FBP2: variants seen among roughly 807,000 people sequenced by gnomAD.
FBP2 encodes fructose-bisphosphatase 2.
FBP2 carries 27 observed loss-of-function variants against 31.6 expected under a neutral mutation model. The ratio of observed to expected loss-of-function variants is 0.85; its 90% CI spans 0.63 to 1.18. FBP2 has a LOEUF of 1.18. Ranked by LOEUF, FBP2 falls within the 50% of genes most tolerant of loss-of-function variation. The pLI is 0.00. For missense variants in FBP2, 421 were observed against 436.1 expected, an observed-to-expected ratio of 0.97 and a Z score of 0.31; for synonymous variants, 168 against 179.8, an observed-to-expected ratio of 0.93 and a Z score of 0.53.
At chr9:94,590,893 G>C (rs1022668436) in intron 1 of FBP2, among the ~76,000 whole-genome samples, 1 of 152,114 alleles carries the variant, frequency 6.6e-6, no homozygotes, top group Non-Finnish European at 1.5e-5. Flanking sequence ...CATCAGATTA[G>C]TTAGATACAG....
At chr9:94,585,326 T>C (rs1315959727) in intron 2 of FBP2, among the ~76,000 whole-genome samples, 2 of 152,146 alleles carry the variant, frequency 1.3e-5, no homozygotes, top group East Asian at 1.9e-4. Flanking sequence ...CAGATACATG[T>C]TGAGCTTCCA....
chr9:94,571,398 T>C, intron 4 of FBP2, 64 bp downstream of exon 4: 5 of 1,459,468 alleles, frequency 3.4e-6, no homozygotes, highest in Non-Finnish European at 4.6e-6. Context: ...CGCAGAGAAC[T>C]GGCATTAAGG....
chr9:94,589,367 C>G (rs1318605162), intron 1 of FBP2, among the ~76,000 whole-genome samples: 1 of 152,178 alleles, frequency 6.6e-6, no homozygotes, highest in African/African-American at 2.4e-5. Context: ...CTCTGGGACG[C>G]CTCCCTGGTC....
rs568039013 is a variant in FBP2 at position 94,591,768 on chromosome 9, C to T, written c.170+1789G>A. Among the ~76,000 whole-genome samples the T allele has an allele frequency of 1.9e-4, 29 of 152,184 alleles. 1 individual carries two copies. Among genetic ancestry groups the T allele is most frequent in the Admixed American group, 1.3e-4 (2 of 15,272 alleles). On this transcript the variant is annotated intron_variant, in intron 1 of 6. Transcript: ENST00000375337. The stretch of plus-strand genomic sequence containing the variant: ...TGCGCTCGCTAACTCTGCAACAACC[C>T]TAAGAGTTAGGGATGCTACTATACT...
rs1034900556 is a variant in FBP2 at position 94,561,654 on chromosome 9, C to T, written c.825+1688G>A. ...TACTAGGATTACAGGCGTGAGCCAC[C>T]GCAGCCAGCCATGACCTGTACTTTC... On this transcript the variant is annotated intron_variant, in intron 6 of 6. Transcript: ENST00000375337. Among the ~76,000 whole-genome samples the T allele has an allele frequency of 3.9e-5, 6 of 151,960 alleles. No individual in the cohort carries two copies. The East Asian group carries it at 5.8e-4, about 15-fold the overall frequency.
chr9:94,566,429 C>G (rs1827190762), intron 5 of FBP2, among the ~76,000 whole-genome samples: 1 of 152,264 alleles, frequency 6.6e-6, no homozygotes, highest in Admixed American at 6.5e-5. Context: ...GCTCCTGCTG[C>G]AGTTAACCAG....
chr9:94,590,796 T>C (rs1827489362), intron 1 of FBP2, among the ~76,000 whole-genome samples: 1 of 152,218 alleles, frequency 6.6e-6, no homozygotes, highest in Non-Finnish European at 1.5e-5. Flanking sequence ...ATCCTGCTGA[T>C]TGGTAGAGCC....
chr9:94,560,465 C>T (rs983060430), intron 6 of FBP2, among the ~76,000 whole-genome samples: 2 of 152,102 alleles, frequency 1.3e-5, no homozygotes, highest in African/African-American at 2.4e-5. Flanking sequence ...TCGTTCTGGC[C>T]GAGGCCCTGC....
intron 4 of FBP2, chr9:94,569,630 C>A (rs1478355541): frequency 6.6e-6 from 1 of 152,122 alleles, no homozygotes; most frequent in Admixed American, 6.5e-5. Flanking sequence ...GTGTGGTCAC[C>A]AACAACGGCT....
At chr9:94,591,411 G>A (rs755400934) in intron 1 of FBP2, among the ~76,000 whole-genome samples, 33 of 152,344 alleles carry the variant, frequency 2.2e-4, no homozygotes, top group Non-Finnish European at 3.8e-4. Context: ...ATTGCCGGGG[G>A]CCAGCAGGGC....
intron 4 of FBP2, chr9:94,568,330 C>T (rs558163370): frequency 6.6e-6 from 1 of 152,040 alleles, no homozygotes; most frequent in Admixed American, 6.6e-5. Flanking sequence ...GTGCCCAGTC[C>T]CTCTCCACAA....
At chr9:94,562,086 C>T (rs938698961) in intron 6 of FBP2, among the ~76,000 whole-genome samples, 11 of 151,956 alleles carry the variant, frequency 7.2e-5, no homozygotes, top group South Asian at 2.1e-4. Flanking sequence ...CCAAGGCGGG[C>T]GGATCACGAG....
Position 94,559,137 on chromosome 9 carries a change from G to A in FBP2, c.826-5C>T. 1 of 1,607,450 alleles carries A rather than the reference G, an allele frequency of 6.2e-7. No individual in the cohort carries two copies. Among genetic ancestry groups the A allele is most frequent in the East Asian group, 2.2e-5 (1 of 44,732 alleles). On this transcript the variant is annotated splice_polypyrimidine_tract_variant and splice_region_variant and intron_variant, in intron 6 of 6. Coordinates refer to ENST00000375337, the MANE Select transcript of FBP2 (RefSeq NM_003837.4). The stretch of plus-strand genomic sequence containing the variant: ...GCATTCATACAGGAGCCGGAGCTGT[G>A]GAGGAACAGAGGCAGGTGAGTAAAC...
intron 4 of FBP2, chr9:94,568,510 C>G (rs1251757938): frequency 6.6e-6 from 1 of 152,144 alleles, no homozygotes; most frequent in African/African-American, 2.4e-5. Flanking sequence ...GAAACCAGAT[C>G]CATTTTGATG....
At chr9:94,582,423 T>A (rs1406616891) in intron 3 of FBP2, among the ~76,000 whole-genome samples, 1 of 151,946 alleles carries the variant, frequency 6.6e-6, no homozygotes, top group African/African-American at 2.4e-5. Context: ...TCTTGCTCTG[T>A]TGCCCAGGCT....
At chr9:94,566,032 T>C (rs1827184507) in intron 5 of FBP2, among the ~76,000 whole-genome samples, 1 of 152,256 alleles carries the variant, frequency 6.6e-6, no homozygotes, top group Admixed American at 6.5e-5. Context: ...AAGTTCACCG[T>C]AGAGTTCTTC....
chr9:94,582,297 T>C (rs986161936), intron 3 of FBP2, among the ~76,000 whole-genome samples: 1 of 152,176 alleles, frequency 6.6e-6, no homozygotes. Context: ...GTCAGGACCA[T>C]CTTCATAAAT....
At chr9:94,589,480 C>A (rs1210109718) in intron 1 of FBP2, among the ~76,000 whole-genome samples, 1 of 152,218 alleles carries the variant, frequency 6.6e-6, no homozygotes, top group East Asian at 1.9e-4. Flanking sequence ...TTGCAGAGGG[C>A]AGGATCCATC....
At chr9:94,563,686 G>A (rs1827143214) in intron 5 of FBP2, among the ~76,000 whole-genome samples, 1 of 151,978 alleles carries the variant, frequency 6.6e-6, no homozygotes, top group Non-Finnish European at 1.5e-5. Flanking sequence ...ACTGCTTAAA[G>A]TATGAGACAA....
Sources: allele counts gnomAD v4.1 joint callset (sites outside exome capture counted in the v4.1 genomes callset), GRCh38; gene constraint gnomAD v4.1.1; transcripts MANE v1.5; gene names NCBI Gene and HGNC (gene_info 2026-07-23, HGNC 2026-07-21).